Variants in LMBR1 observed in about 807,000 individuals in gnomAD.
LMBR1 encodes the protein limb region 1 protein homolog.
Under a neutral mutation model 73.9 loss-of-function variants are expected in LMBR1, and 52 were observed. The observed-to-expected ratio is 0.70, with a 90% CI of 0.56 to 0.89. The LOEUF is 0.89. Among genes scored for constraint, LMBR1 ranks in the 40% least tolerant of loss-of-function variants. The pLI, the probability that LMBR1 is intolerant of heterozygous loss-of-function variation, is 0.00. For synonymous variants in LMBR1, 215 were observed against 209.4 expected (o/e 1.03, Z -0.23); for missense variants, 539 against 579.8 (o/e 0.93, Z 0.72).
chr7:156,806,598 C>CTTTTTTTTTTTTT lies in LMBR1; in HGVS notation c.320-10119_320-10107dup, dbSNP rs71189962. 6.7e-5 allele frequency among the ~76,000 whole-genome samples: 3 copies of CTTTTTTTTTTTTT among 44,672 alleles called. 1 individual carries two copies. Among genetic ancestry groups the CTTTTTTTTTTTTT allele is most frequent in the African/African-American group, 3.0e-4 (3 of 9,866 alleles). The allele number at this position is 44,672 out of a possible 152,430, so 29.3% of individuals were successfully genotyped here. On this transcript the variant is annotated intron_variant, in intron 4 of 16. Coordinates refer to ENST00000353442, the MANE Select transcript of LMBR1 (RefSeq NM_022458.4). Reference sequence around the variant, plus strand: ...GTTATCAGTAGGTTTTTTGTAGATGCTTTTTTTTTTTTTTTTTTTTTTTTT... The same window carrying CTTTTTTTTTTTTT: ...GTTATCAGTAGGTTTTTTGTAGATGCTTTTTTTTTTTTTTTTTTTTTTTTTTTTTTTTTTTTTT...
At chr7:156,873,937 C>G (rs1799739197) in intron 1 of LMBR1, among the ~76,000 whole-genome samples, 1 of 152,258 alleles carries the variant, frequency 6.6e-6, no homozygotes, top group Non-Finnish European at 1.5e-5. Context: ...GCCCAGCTGG[C>G]TTCACCCAGT....
chr7:156,873,066 T>C lies in LMBR1; in HGVS notation c.66+19862A>G, dbSNP rs529639284. ...GTCCCTTCGTGGTCGCCAAAATGTG[T>C]CCGGAATTAGTGGGTTCTTGGTCTC... On this transcript the variant is annotated intron_variant, in intron 1 of 16. Coordinates refer to ENST00000353442, the MANE Select transcript of LMBR1 (RefSeq NM_022458.4). 2.0e-4 allele frequency among the ~76,000 whole-genome samples: 30 copies of C among 151,902 alleles called. No individual in the cohort carries two copies. In the South Asian group the frequency reaches 6.2e-3, roughly 32 times the overall value.
At chr7:156,811,349 C>T (rs777812155) in intron 4 of LMBR1, among the ~76,000 whole-genome samples, 10 of 152,060 alleles carry the variant, frequency 6.6e-5, no homozygotes, top group South Asian at 6.2e-4. Flanking sequence ...CGGTGGCTCA[C>T]GCCTGTAATC....
chr7:156,846,928 A>G (rs1409932312), intron 1 of LMBR1, among the ~76,000 whole-genome samples: 1 of 152,196 alleles, frequency 6.6e-6, no homozygotes, highest in Non-Finnish European at 1.5e-5. Flanking sequence ...ACATACATGC[A>G]CTGAAACATC....
chr7:156,713,052 T>C (rs968661272), intron 15 of LMBR1, among the ~76,000 whole-genome samples: 1 of 152,172 alleles, frequency 6.6e-6, no homozygotes, highest in African/African-American at 2.4e-5. Context: ...AATGGAATCT[T>C]ATTCCACGTT....
At chr7:156,851,515 C>A (rs1201748046) in intron 1 of LMBR1, among the ~76,000 whole-genome samples, 1 of 152,056 alleles carries the variant, frequency 6.6e-6, no homozygotes, top group African/African-American at 2.4e-5. Context: ...ATATTTTAGG[C>A]CCAGTAACAA....
At chr7:156,834,475 T>C (rs1009199704) in intron 2 of LMBR1, 1 of 254,814 alleles carries the variant, frequency 3.9e-6, no homozygotes, top group South Asian at 3.6e-5. Flanking sequence ...TGGTGGCACA[T>C]GCCTGTAGTG....
chr7:156,833,768 A>G lies in LMBR1; in HGVS notation c.164T>C (p.Ile55Thr). The change falls in exon 3 of 17, where the codon ATC (isoleucine) becomes ACC (threonine). Residue 55 changes from isoleucine to threonine, a missense_variant. Around this residue, in one of 3 missense-constraint regions of LMBR1, gnomAD observed 454 missense variants for 473.4 expected, o/e 0.96. Coordinates refer to ENST00000353442, the MANE Select transcript of LMBR1 (RefSeq NM_022458.4). ...AAATACATACGAAATCCTGTTGACG[A>G]TGGCATCTTCATCTTCTTGTTCATC... is the stretch of plus-strand genomic sequence containing the variant. ...KSDEQEDEDA[I>T]VNRISLFLST... 2 of 1,600,864 alleles carry G rather than the reference A, an allele frequency of 1.2e-6. No individual in the cohort carries two copies. The highest frequency in any genetic ancestry group is 1.7e-6 in the Non-Finnish European group (2 of 1,173,700).
Position 156,832,017 on chromosome 7 carries a change from C to G in LMBR1, c.179+1736G>C, listed in dbSNP as rs191613433. ...ATTTTTAAAGGAGCTCTAATTTATA[C>G]AGAGGAAAAAAATGATTCACTTAAT... On this transcript the variant is annotated intron_variant, in intron 3 of 16. Coordinates refer to ENST00000353442, the MANE Select transcript of LMBR1 (RefSeq NM_022458.4). Among the ~76,000 whole-genome samples the G allele has an allele frequency of 1.7e-4, 26 of 152,202 alleles. No homozygotes were observed. The East Asian group carries it at 2.5e-3, about 15-fold the overall frequency.
intron 12 of LMBR1, among the ~76,000 whole-genome samples, chr7:156,727,168 C>G (rs1815940298): frequency 6.6e-6 from 1 of 152,202 alleles, no homozygotes; most frequent in Non-Finnish European, 1.5e-5. Flanking sequence ...TTCTCCCCTA[C>G]AGAAGCTTAT....
intron 5 of LMBR1, among the ~76,000 whole-genome samples, chr7:156,786,583 C>T (rs553851237): frequency 2.0e-5 from 3 of 152,232 alleles, no homozygotes; most frequent in Non-Finnish European, 4.4e-5. Context: ...TATTATTCAT[C>T]CCAACTTTGA....
intron 1 of LMBR1, among the ~76,000 whole-genome samples, chr7:156,863,970 T>C (rs958673450): frequency 3.3e-5 from 5 of 151,862 alleles, no homozygotes; most frequent in Admixed American, 2.6e-4. Flanking sequence ...GCCAACACGG[T>C]GAAACCTCAT....
chr7:156,784,279 C>T (rs979308752), intron 5 of LMBR1, among the ~76,000 whole-genome samples: 14 of 152,180 alleles, frequency 9.2e-5, no homozygotes. Flanking sequence ...ATTCTCTGTT[C>T]ATCTCCGTAT....
chr7:156,851,965 G>T (rs1208733686), intron 1 of LMBR1, among the ~76,000 whole-genome samples: 1 of 152,084 alleles, frequency 6.6e-6, no homozygotes, highest in East Asian at 1.9e-4. Context: ...ATTCAATACT[G>T]TTATTCCTGG....
At chr7:156,860,435 G>A (rs544777659) in intron 1 of LMBR1, among the ~76,000 whole-genome samples, 23 of 152,152 alleles carry the variant, frequency 1.5e-4, no homozygotes, top group Admixed American at 2.0e-4. Context: ...CTCCCATGAC[G>A]TGAGAATTGT....
chr7:156,728,590 T>C (rs1268462713), intron 11 of LMBR1, 54 bp downstream of exon 11: 7 of 1,296,302 alleles, frequency 5.4e-6, no homozygotes, highest in African/African-American at 1.5e-5. Flanking sequence ...ACTCAAATGC[T>C]GAAGTAAATA....
At chr7:156,816,893 T>C (rs958743852) in intron 4 of LMBR1, among the ~76,000 whole-genome samples, 1 of 152,156 alleles carries the variant, frequency 6.6e-6, no homozygotes, top group Admixed American at 6.5e-5. Context: ...GGCCAACACA[T>C]ATATTTCATT....
chr7:156,802,604 A>G (rs933076436), intron 4 of LMBR1, among the ~76,000 whole-genome samples: 6 of 152,240 alleles, frequency 3.9e-5, no homozygotes, highest in Non-Finnish European at 7.3e-5. Context: ...ATTAATTTTT[A>G]ACAGCTTTAT....
At chr7:156,740,024 T>C (rs1214037696) in intron 9 of LMBR1, among the ~76,000 whole-genome samples, 5 of 152,020 alleles carry the variant, frequency 3.3e-5, no homozygotes, top group African/African-American at 1.2e-4. Flanking sequence ...AATTCAGAAT[T>C]TTATCAGATA....
Sources: gnomAD v4.1 joint callset for allele counts (sites outside exome capture counted in the v4.1 genomes callset) on GRCh38, gnomAD v4.1.1 for gene constraint, gnomAD v4.1.1 regional missense constraint, MANE v1.5 for transcripts, NCBI Gene and HGNC (gene_info 2026-07-23, HGNC 2026-07-21) for gene names.